Variants in USP45 observed in about 807,000 individuals in gnomAD.
USP45 encodes ubiquitin specific peptidase 45.
Under a neutral mutation model 95.8 loss-of-function variants are expected in USP45, and 89 were observed. That is an observed-to-expected ratio of 0.93 (90% CI 0.78 to 1.11). The LOEUF (loss-of-function observed/expected upper bound fraction) is 1.11. Among genes scored for constraint, USP45 ranks in the 50% least tolerant of loss-of-function variants. USP45 has a pLI of 0.00. For missense variants in USP45, 898 were observed against 942.5 expected, an observed-to-expected ratio of 0.95 and a Z score of 0.62; for synonymous variants, 281 against 316.2, an observed-to-expected ratio of 0.89 and a Z score of 1.18.
chr6:99,445,517 T>C (rs1469784352), intron 14 of USP45, among the ~76,000 whole-genome samples: 2 of 152,056 alleles, frequency 1.3e-5, no homozygotes, highest in Non-Finnish European at 2.9e-5. Flanking sequence ...GGATATTTCT[T>C]CTGGATAGAT....
At chr6:99,508,916 G>T in intron 2 of USP45, 134 bp from the exon 3 acceptor site, 1 of 668,082 alleles carries the variant, frequency 1.5e-6, no homozygotes, top group Non-Finnish European at 2.4e-6. Flanking sequence ...TAACTCAAAA[G>T]ATATATGCTA....
chr6:99,488,788 C>A lies in USP45; in HGVS notation c.511G>T (p.Glu171Ter). The A allele has an allele frequency of 6.3e-7, 1 of 1,597,322 alleles. No individual in the cohort carries two copies. Among genetic ancestry groups the A allele is most frequent in the South Asian group, 1.1e-5 (1 of 87,214 alleles). The change falls in exon 6 of 18, where the codon GAA becomes TAA. Residue 171 changes from glutamate to a stop codon, truncating the protein, a stop_gained. Coordinates refer to ENST00000500704, the MANE Select transcript of USP45 (RefSeq NM_001346022.3). LOFTEE classifies it high-confidence loss of function. ...AFSRIMKLCE[E>*]KCETDEIQKG... Reference sequence around the variant, plus strand: ...TGTATTTCATCTGTTTCACATTTTTCTTCACAAAGTTTCATGATTCTAGAA... The same window carrying A: ...TGTATTTCATCTGTTTCACATTTTTATTCACAAAGTTTCATGATTCTAGAA...
Position 99,488,182 on chromosome 6 carries a change from C to A in USP45, c.714+18G>T. The A allele has an allele frequency of 6.4e-7, 1 of 1,554,000 alleles. No homozygotes were observed. Among genetic ancestry groups the A allele is most frequent in the South Asian group, 1.1e-5 (1 of 88,094 alleles). On this transcript the variant is annotated intron_variant, in intron 7 of 17. Coordinates refer to ENST00000500704, the MANE Select transcript of USP45 (RefSeq NM_001346022.3). ...GGCTCATCTGAAAGCAGCTATTATT[C>A]AAACAGTTATTACTCACCAGCTGAG...
intron 5 of USP45, among the ~76,000 whole-genome samples, chr6:99,498,263 T>C (rs1209862890): frequency 6.6e-6 from 1 of 152,228 alleles, no homozygotes; most frequent in East Asian, 1.9e-4. Context: ...TTTAGGATTT[T>C]GGAGGGTGAA....
In USP45 at chr6:99,503,836, G is replaced by A. The variant is rs375985216; in HGVS notation, c.407C>T (p.Thr136Met). 45 of 1,593,402 alleles carry A rather than the reference G, an allele frequency of 2.8e-5. No individual in the cohort carries two copies. The highest frequency in any genetic ancestry group is 3.7e-5 in the Non-Finnish European group (43 of 1,170,880). Residue 136 changes from threonine to methionine, a missense_variant, in exon 5 of 18, where the codon ACG becomes ATG. Coordinates refer to ENST00000500704, the MANE Select transcript of USP45 (RefSeq NM_001346022.3). The part of the protein sequence containing the change: ...WCYECDEKLS[T>M]HCNKKVLAQI... The stretch of plus-strand genomic sequence containing the variant: ...AGCCAAAACCTTCTTATTACAATGC[G>A]TTGATAATTTTTCATCACATTCATA...
At chr6:99,488,845 G>T in intron 5 of USP45, 25 bp from the exon 6 acceptor site, 2 of 1,521,124 alleles carry the variant, frequency 1.3e-6, no homozygotes, top group South Asian at 2.7e-5. Flanking sequence ...AAAAATAACT[G>T]ACACAAGATG....
chr6:99,495,394 G>A (rs1426085325), intron 5 of USP45, among the ~76,000 whole-genome samples: 1 of 152,156 alleles, frequency 6.6e-6, no homozygotes, highest in Non-Finnish European at 1.5e-5. Flanking sequence ...GGGGAACACT[G>A]GTTCTTCCCT....
At chr6:99,513,386 GTCTTT>G (rs1169256575) in intron 1 of USP45, among the ~76,000 whole-genome samples, 6 of 152,050 alleles carry the variant, frequency 3.9e-5, no homozygotes, top group Non-Finnish European at 8.8e-5. Flanking sequence ...AACTGATCTA[GTCTTT>G]TATAAGGGAA....
At chr6:99,442,270 GTACCCTT>G (rs1373791932) in intron 15 of USP45, among the ~76,000 whole-genome samples, 1 of 152,194 alleles carries the variant, frequency 6.6e-6, no homozygotes, top group Non-Finnish European at 1.5e-5. Context: ...CACTGCAGAT[GTACCCTT>G]TCCATTAGGC....
intron 8 of USP45, among the ~76,000 whole-genome samples, chr6:99,476,456 C>T (rs995995121): frequency 2.0e-5 from 3 of 152,050 alleles, no homozygotes; most frequent in African/African-American, 7.2e-5. Flanking sequence ...AAACACACAC[C>T]CACACACACA....
chr6:99,460,777 TGA>T (rs1786247347), intron 13 of USP45: 3 of 984,644 alleles, frequency 3.0e-6, no homozygotes, highest in Admixed American at 6.2e-5. Flanking sequence ...ACCCCAATGA[TGA>T]GAGGCACAAC....
chr6:99,488,548 G>A, intron 6 of USP45, 133 bp downstream of exon 6: 1 of 991,788 alleles, frequency 1.0e-6, no homozygotes, highest in Admixed American at 2.7e-5. Context: ...GCCCAAGATA[G>A]CGTAAACAAA....
intron 14 of USP45, 61 bp from the exon 15 acceptor site, chr6:99,443,723 A>G (rs541435104): frequency 1.7e-4 from 177 of 1,066,402 alleles, no homozygotes; most frequent in Admixed American, 4.6e-4. Context: ...CTACCATATA[A>G]TAAAAATTTA....
At chr6:99,482,996 A>G (rs907654032) in intron 7 of USP45, 113 bp from the exon 8 acceptor site, 5 of 838,662 alleles carry the variant, frequency 6.0e-6, no homozygotes, top group Non-Finnish European at 8.1e-6. Flanking sequence ...CCTCAATTGT[A>G]TTAAGAAACT....
At chr6:99,493,945 A>T (rs1191230766) in intron 5 of USP45, among the ~76,000 whole-genome samples, 1 of 152,252 alleles carries the variant, frequency 6.6e-6, no homozygotes, top group Non-Finnish European at 1.5e-5. Flanking sequence ...TTATAAACAC[A>T]GAACCAAATA....
At chr6:99,449,074 A>G (rs143512299) in intron 13 of USP45, among the ~76,000 whole-genome samples, 1 of 152,356 alleles carries the variant, frequency 6.6e-6, no homozygotes, top group African/African-American at 2.4e-5. Flanking sequence ...AAACATGCCA[A>G]ACTGTAAAGA....
At chr6:99,487,735 C>T (rs1348972264) in intron 7 of USP45, among the ~76,000 whole-genome samples, 5 of 151,714 alleles carry the variant, frequency 3.3e-5, no homozygotes. Context: ...GCGGAGCTTG[C>T]AGTGAGCTGA....
upstream of USP45, among the ~76,000 whole-genome samples, chr6:99,517,684 C>A (rs911804309): frequency 3.3e-5 from 5 of 151,128 alleles, no homozygotes; most frequent in Non-Finnish European, 7.4e-5. Context: ...CTCAAGCAAT[C>A]CATCTGCCTT....
At chr6:99,511,184 CTAT>C (rs71809544) in intron 1 of USP45, among the ~76,000 whole-genome samples, 76,755 of 149,466 alleles carry the variant, frequency 0.51, 20,868 homozygotes, top group Middle Eastern at 0.69. Flanking sequence ...ATTATTATTA[CTAT>C]TATTATTATT....
Sources: allele counts gnomAD v4.1 joint callset (sites outside exome capture counted in the v4.1 genomes callset), GRCh38; gene constraint gnomAD v4.1.1; transcripts MANE v1.5; gene names NCBI Gene and HGNC (gene_info 2026-07-23, HGNC 2026-07-21).